Variants in PTH2 observed in about 807,000 individuals in gnomAD.
PTH2 encodes tuberoinfundibular 39 residue protein.
In PTH2, 5 loss-of-function variants were observed where a neutral mutation model predicts 6.2. The ratio of observed to expected loss-of-function variants is 0.80; its 90% CI spans 0.42 to 1.69. PTH2 has a LOEUF of 1.69. PTH2 is among the 40% of genes most tolerant of loss of function. The pLI, the probability that PTH2 is intolerant of heterozygous loss-of-function variation, is 0.02. For missense variants in PTH2, 156 were observed against 142.5 expected (o/e 1.09, Z -0.48); for synonymous variants, 67 against 73.6 (o/e 0.91, Z 0.46).
chr19:49,423,198 G>A lies in PTH2; in HGVS notation c.128+14C>T, dbSNP rs1438789346. ...TTCCCACCCCTCCCTGGGAGTTCTG[G>A]GACTGGCACCTACCTGAGGACCCCG... On this transcript the variant is annotated intron_variant, in intron 1 of 1. Transcript: ENST00000270631. The A allele has an allele frequency of 6.2e-7, 1 of 1,611,284 alleles. No homozygotes were observed.
At chr19:49,422,729 G>T in intron 1 of PTH2, 87 bp from the exon 2 acceptor site, 1 of 1,237,768 alleles carries the variant, frequency 8.1e-7, no homozygotes, top group Admixed American at 3.8e-5. Flanking sequence ...CCCCGTTACT[G>T]CCCAGTCCGT....
intron 1 of PTH2, 40 bp downstream of exon 1, chr19:49,423,172 G>A: frequency 6.2e-7 from 1 of 1,600,910 alleles, no homozygotes; most frequent in Non-Finnish European, 8.5e-7. Flanking sequence ...ACTTCTCCAA[G>A]TTCCCACCCC....
rs770309792 is a variant in PTH2 at position 49,422,431 on chromosome 19, G to A, written c.*37C>T. On this transcript the variant is annotated 3_prime_UTR_variant, in exon 2 of 2. Coordinates refer to ENST00000270631, the MANE Select transcript of PTH2 (RefSeq NM_178449.4). ...GAACTAGGCGCAGTCCGGAGCGCAGGGCATGGTCTTTATTAAGATGGGGAC... is the reference window on the plus strand; with the variant it reads ...GAACTAGGCGCAGTCCGGAGCGCAGAGCATGGTCTTTATTAAGATGGGGAC... 3 of 1,576,858 alleles carry A rather than the reference G, an allele frequency of 1.9e-6. No individual in the cohort carries two copies. Among genetic ancestry groups the A allele is most frequent in the South Asian group, 1.1e-5 (1 of 87,252 alleles).
intron 1 of PTH2, 112 bp downstream of exon 1, chr19:49,423,100 C>T (rs1975034970): frequency 1.4e-6 from 2 of 1,407,392 alleles, no homozygotes; most frequent in Non-Finnish European, 1.9e-6. Context: ...CGGTCGCCCT[C>T]TCTTTGGGCT....
At position 49,423,220 on chromosome 19, in the gene PTH2, C is replaced by G. The variant is rs76223066; in HGVS notation, c.120G>C (p.Gly40=). 3,109 of 1,613,532 alleles carry G rather than the reference C, an allele frequency of 1.9e-3. 47 individuals carry two copies. The African/African-American group carries it at 0.038, about 20-fold the overall frequency. ...CTGGGACTGGCACCTACCTGAGGACCCCGACCGGGGGCAGGGCGACTCCCG... is the reference window on the plus strand; with the variant it reads ...CTGGGACTGGCACCTACCTGAGGACGCCGACCGGGGGCAGGGCGACTCCCG... ...TASGVALPPV[G]VLSLRPPGRA... Residue 40 remains glycine, a synonymous_variant, in exon 1 of 2, where the codon GGG becomes GGC. Coordinates refer to ENST00000270631, the MANE Select transcript of PTH2 (RefSeq NM_178449.4).
In PTH2 at chr19:49,422,421, C is replaced by G. The variant is rs747096842; in HGVS notation, c.*47G>C. On this transcript the variant is annotated 3_prime_UTR_variant, in exon 2 of 2. Transcript: ENST00000270631. ...GGTCGCGCAGGAACTAGGCGCAGTC[C>G]GGAGCGCAGGGCATGGTCTTTATTA... 6.4e-7 allele frequency: 1 copy of G among 1,562,456 alleles called. No homozygotes were observed. The highest frequency in any genetic ancestry group is 1.4e-5 in the African/African-American group (1 of 70,082).
chr19:49,422,621 G>A lies in PTH2; in HGVS notation c.150C>T (p.Ala50=), dbSNP rs1975029199. 4.2e-6 allele frequency: 6 copies of A among 1,440,102 alleles called. No homozygotes were observed. The highest frequency in any genetic ancestry group is 4.5e-6 in the Non-Finnish European group (5 of 1,104,484). The allele number at this position is 1,440,102 out of a possible 1,614,324, so 89.2% of individuals were successfully genotyped here. ...GCCTGGGGGTGGCGGGATCCGCCCAGGCCCGTCCTGGGGGGCGGAGGCTGT... is the reference window on the plus strand; with the variant it reads ...GCCTGGGGGTGGCGGGATCCGCCCAAGCCCGTCCTGGGGGGCGGAGGCTGT... ...GVLSLRPPGR[A]WADPATPRPR... is the part of the protein sequence containing the mutation. Residue 50 remains alanine (A), a synonymous_variant, in exon 2 of 2, where the codon GCC becomes GCT. Transcript: ENST00000270631.
chr19:49,423,288 G>A lies in PTH2; in HGVS notation c.52C>T (p.Leu18=), dbSNP rs376889919. The A allele has an allele frequency of 8.7e-6, 14 of 1,610,004 alleles. No homozygotes were observed. The highest frequency in any genetic ancestry group is 1.2e-5 in the Non-Finnish European group (14 of 1,178,790). ...CAGGGCACCACCAGCAGCAGCAGCA[G>A]CAGCAGCAGCAGCCGAACCCGAGGG... is the stretch of plus-strand genomic sequence containing the variant. ...RSPRVRLLLL[L]LLLLVVPWGV... is the part of the protein sequence containing the mutation. Residue 18 remains leucine (L), a synonymous_variant, in exon 1 of 2, where the codon CTG becomes TTG. Transcript: ENST00000270631.
In PTH2 at chr19:49,422,574, G is replaced by T; in HGVS notation, c.197C>A (p.Ala66Glu). 1.3e-6 allele frequency: 2 copies of T among 1,584,120 alleles called. No individual in the cohort carries two copies. The highest frequency in any genetic ancestry group is 1.7e-6 in the Non-Finnish European group (2 of 1,168,254). ...GCGCTCCCGGAAGGCCGCGTCGTCC[G>T]CCAGCGCCAGGCTCCTCCGCGGCCT... The part of the protein sequence containing the change: ...TPRPRRSLAL[A>E]DDAAFRERAR... The change falls in exon 2 of 2, where the codon GCG becomes GAG. Residue 66 changes from alanine to glutamate, a missense_variant. Transcript: ENST00000270631.
In PTH2 at chr19:49,423,407, T is replaced by G; in HGVS notation, c.-68A>C. The G allele has an allele frequency of 2.0e-6, 3 of 1,518,896 alleles. No individual in the cohort carries two copies. The highest frequency in any genetic ancestry group is 2.0e-5 in the Admixed American group (1 of 49,806). The allele number at this position is 1,518,896 out of a possible 1,614,324, so 94.1% of individuals were successfully genotyped here. Reference sequence around the variant, plus strand: ...CGGCCCAGAACCCCGGGCCCCACCATGCATCCACCCCCAGCTTCCCGCACA... The same window carrying G: ...CGGCCCAGAACCCCGGGCCCCACCAGGCATCCACCCCCAGCTTCCCGCACA... On this transcript the variant is annotated 5_prime_UTR_variant, in exon 1 of 2. It removes an upstream start codon present in the reference 5' UTR. Transcript: ENST00000270631.
At position 49,423,405 on chromosome 19, in the gene PTH2, C is replaced by T; in HGVS notation, c.-66G>A. The T allele has an allele frequency of 6.6e-7, 1 of 1,520,042 alleles. No homozygotes were observed. The highest frequency in any genetic ancestry group is 1.2e-5 in the South Asian group (1 of 82,192). 94.2% of individuals were successfully genotyped at this position (1,520,042 alleles called of 1,614,324 possible). A position where few individuals can be genotyped will look rare whatever the true frequency, so the allele number is the denominator to read the frequency against. On this transcript the variant is annotated 5_prime_UTR_variant, in exon 1 of 2. The change abolishes an upstream ATG in the 5' untranslated region. Transcript: ENST00000270631. ...CCCGGCCCAGAACCCCGGGCCCCAC[C>T]ATGCATCCACCCCCAGCTTCCCGCA...
chr19:49,423,408 G>A lies in PTH2; in HGVS notation c.-69C>T, dbSNP rs1600974693. The stretch of plus-strand genomic sequence containing the variant: ...GGCCCAGAACCCCGGGCCCCACCAT[G>A]CATCCACCCCCAGCTTCCCGCACAG... On this transcript the variant is annotated 5_prime_UTR_variant, in exon 1 of 2. Transcript: ENST00000270631. 1.3e-6 allele frequency: 2 copies of A among 1,517,312 alleles called. No homozygotes were observed. The allele number at this position is 1,517,312 out of a possible 1,614,324, so 94.0% of individuals were successfully genotyped here. A position where few individuals can be genotyped will look rare whatever the true frequency, so the allele number is the denominator to read the frequency against.
intron 1 of PTH2, among the ~76,000 whole-genome samples, chr19:49,422,903 A>G (rs1175018396): frequency 6.6e-6 from 1 of 151,796 alleles, no homozygotes; most frequent in African/African-American, 2.4e-5. Flanking sequence ...GAACCCAATA[A>G]ACGTTGCTCA....
chr19:49,422,879 C>G (rs955126405), intron 1 of PTH2, among the ~76,000 whole-genome samples: 1 of 152,194 alleles, frequency 6.6e-6, no homozygotes, highest in African/African-American at 2.4e-5. Flanking sequence ...AGCGCATGGC[C>G]AGGCGCACAC....
In PTH2 at chr19:49,422,638, G is replaced by A; in HGVS notation, c.133C>T (p.Arg45Cys). The change falls in exon 2 of 2, where the codon CGC becomes TGC. Residue 45 changes from arginine to cysteine, a missense_variant. Transcript: ENST00000270631. The part of the protein sequence containing the change: ...ALPPVGVLSL[R>C]PPGRAWADPA... ...TCCGCCCAGGCCCGTCCTGGGGGGCGGAGGCTGTGGAGAGACGCGGTGACC... is the reference window on the plus strand; with the variant it reads ...TCCGCCCAGGCCCGTCCTGGGGGGCAGAGGCTGTGGAGAGACGCGGTGACC... The A allele has an allele frequency of 7.1e-7, 1 of 1,407,110 alleles. No homozygotes were observed. The highest frequency in any genetic ancestry group is 9.2e-7 in the Non-Finnish European group (1 of 1,084,832). The allele number at this position is 1,407,110 out of a possible 1,614,324, so 87.2% of individuals were successfully genotyped here.
rs1975031080 is a variant in PTH2 at position 49,422,757 on chromosome 19, C to G, written c.129-115G>C. On this transcript the variant is annotated intron_variant, in intron 1 of 1. Coordinates refer to ENST00000270631, the MANE Select transcript of PTH2 (RefSeq NM_178449.4). ...CAGTCCGTGGAGTGGCTCGGTCCGGCTCCCCCTGTCTCTCTCGTTCTCTGT... is the reference window on the plus strand; with the variant it reads ...CAGTCCGTGGAGTGGCTCGGTCCGGGTCCCCCTGTCTCTCTCGTTCTCTGT... 3 of 936,698 alleles carry G rather than the reference C, an allele frequency of 3.2e-6. No homozygotes were observed. The South Asian group carries it at 6.0e-5, about 19-fold the overall frequency. 58.0% of individuals were successfully genotyped at this position (936,698 alleles called of 1,614,324 possible). A position where few individuals can be genotyped will look rare whatever the true frequency, so the allele number is the denominator to read the frequency against.
chr19:49,422,438 T>C lies in PTH2; in HGVS notation c.*30A>G, dbSNP rs765952541. The stretch of plus-strand genomic sequence containing the variant: ...GCGCAGTCCGGAGCGCAGGGCATGG[T>C]CTTTATTAAGATGGGGACGGGCAGC... On this transcript the variant is annotated 3_prime_UTR_variant, in exon 2 of 2. Coordinates refer to ENST00000270631, the MANE Select transcript of PTH2 (RefSeq NM_178449.4). 1.3e-5 allele frequency: 21 copies of C among 1,582,688 alleles called. No homozygotes were observed. The Admixed American group carries it at 3.8e-4, about 29-fold the overall frequency.
chr19:49,422,788 T>A (rs1600974082), intron 1 of PTH2, 146 bp from the exon 2 acceptor site: 6 of 748,674 alleles, frequency 8.0e-6, no homozygotes, highest in Non-Finnish European at 1.2e-5. Context: ...TCTGTGTGGG[T>A]CTCTGTCTCT....
intron 1 of PTH2, 112 bp from the exon 2 acceptor site, chr19:49,422,754 C>T: frequency 2.0e-6 from 2 of 995,020 alleles, no homozygotes; most frequent in African/African-American, 1.7e-5. Context: ...TGGCTCGGTC[C>T]GGCTCCCCCT....
Sources: gnomAD v4.1 joint callset for allele counts (sites outside exome capture counted in the v4.1 genomes callset) on GRCh38, gnomAD v4.1.1 for gene constraint, MANE v1.5 for transcripts, NCBI Gene and HGNC (gene_info 2026-07-23, HGNC 2026-07-21) for gene names.